The following ADGRL3 variants were observed in gnomAD, a reference collection of about 807,000 sequenced individuals.
ADGRL3 encodes adhesion G protein-coupled receptor L3.
A neutral mutation model predicts 153.5 loss-of-function variants in ADGRL3; 62 were observed. That is an observed-to-expected ratio of 0.40 (90% CI 0.33 to 0.50). The LOEUF is 0.50. Ranked by LOEUF, ADGRL3 falls within the 20% of genes least tolerant of loss-of-function variation. ADGRL3 has a pLI of 0.47. For missense variants in ADGRL3, 1,641 were observed against 1,859.4 expected (o/e 0.88, Z 2.16); for synonymous variants, 710 against 672.5 (o/e 1.06, Z -0.86).
chr4:61,917,076 C>T lies in ADGRL3; in HGVS notation c.2112+4319C>T, dbSNP rs184112277. Among the ~76,000 whole-genome samples the T allele has an allele frequency of 1.8e-3, 272 of 152,186 alleles. 2 individuals carry two copies. The highest frequency in any genetic ancestry group is 6.2e-3 in the African/African-American group (259 of 41,528). Reference sequence around the variant, plus strand: ...CAAACACCGTATGATATAATTATTGCGATTTTTAACTTAACAGATGAAAAA... The same window carrying T: ...CAAACACCGTATGATATAATTATTGTGATTTTTAACTTAACAGATGAAAAA... On this transcript the variant is annotated intron_variant, in intron 13 of 26. Coordinates refer to ENST00000683033, the MANE Select transcript of ADGRL3 (RefSeq NM_001387552.1).
At chr4:61,641,211 T>A (rs914750486) in intron 5 of ADGRL3, among the ~76,000 whole-genome samples, 5 of 152,116 alleles carry the variant, frequency 3.3e-5, no homozygotes, top group Non-Finnish European at 5.9e-5. Flanking sequence ...CATGATTACA[T>A]GATGTGATGC....
Position 61,587,311 on chromosome 4 carries a change from G to C in ADGRL3, c.344G>C (p.Gly115Ala), listed in dbSNP as rs1446659003. 1.2e-6 allele frequency: 2 copies of C among 1,611,944 alleles called. No individual in the cohort carries two copies. The highest frequency in any genetic ancestry group is 1.7e-6 in the Non-Finnish European group (2 of 1,178,890). The stretch of plus-strand genomic sequence containing the variant: ...TATCCTATAGAGCTTCGCTGTCCAG[G>C]AACAGACGTCATCATGATAGAAAGT... ...ESYPIELRCP[G>A]TDVIMIESAN... The change falls in exon 5 of 27, where the codon GGA becomes GCA. Residue 115 changes from glycine to alanine, a missense_variant. This residue lies in a region of ADGRL3 where 213 missense variants were observed against 362.1 expected (regional missense o/e 0.59). Coordinates refer to ENST00000683033, the MANE Select transcript of ADGRL3 (RefSeq NM_001387552.1).
At chr4:61,916,032 T>C (rs933579305) in intron 13 of ADGRL3, among the ~76,000 whole-genome samples, 2 of 152,204 alleles carry the variant, frequency 1.3e-5, no homozygotes, top group African/African-American at 4.8e-5. Flanking sequence ...TTATGAATTA[T>C]CCAGAGTTAT....
intron 21 of ADGRL3, among the ~76,000 whole-genome samples, chr4:62,022,605 A>G (rs2151398507): frequency 6.6e-6 from 1 of 152,202 alleles, no homozygotes; most frequent in Non-Finnish European, 1.5e-5. Flanking sequence ...TCTTGTTAGG[A>G]GATAATGCAA....
intron 1 of ADGRL3, among the ~76,000 whole-genome samples, chr4:61,248,548 G>A (rs190767210): frequency 2.0e-3 from 301 of 152,230 alleles, no homozygotes; most frequent in Non-Finnish European, 2.9e-3. Context: ...TGATTTATTT[G>A]TAGGTTGCTG....
At chr4:61,593,394 T>A (rs2098977230) in intron 5 of ADGRL3, among the ~76,000 whole-genome samples, 1 of 152,118 alleles carries the variant, frequency 6.6e-6, no homozygotes, top group South Asian at 2.1e-4. Flanking sequence ...TGTTTTGTTT[T>A]TTTCCTTCAG....
At chr4:61,361,475 G>T (rs13147561) in intron 1 of ADGRL3, among the ~76,000 whole-genome samples, 1 of 152,040 alleles carries the variant, frequency 6.6e-6, no homozygotes, top group African/African-American at 2.4e-5. Flanking sequence ...GTACTTTAAG[G>T]GTATGGCCTT....
chr4:61,417,437 G>A (rs2097156332), intron 2 of ADGRL3, among the ~76,000 whole-genome samples: 1 of 151,940 alleles, frequency 6.6e-6, no homozygotes, highest in African/African-American at 2.4e-5. Context: ...GCAGTGAGCC[G>A]AGATTGTGCC....
intron 1 of ADGRL3, among the ~76,000 whole-genome samples, chr4:61,272,635 G>T (rs186147818): frequency 1.3e-5 from 2 of 152,116 alleles, no homozygotes; most frequent in African/African-American, 4.8e-5. Flanking sequence ...TCAGTGTGAC[G>T]CTAATTAAAA....
chr4:61,515,356 A>G lies in ADGRL3; in HGVS notation c.56-1959A>G, dbSNP rs779528709. Among the ~76,000 whole-genome samples, 166 of 152,184 alleles carry G rather than the reference A, an allele frequency of 1.1e-3. 5 individuals carry two copies. The highest frequency in any genetic ancestry group is 3.1e-4 in the Non-Finnish European group (21 of 68,040). On this transcript the variant is annotated intron_variant, in intron 3 of 26. Transcript: ENST00000683033. ...AATTTATATTTTGTCTCCATATCCA[A>G]ATATTTCACAAAAACCCAAATGAAG...
chr4:61,347,772 C>T (rs1250408421), intron 1 of ADGRL3, among the ~76,000 whole-genome samples: 2 of 152,066 alleles, frequency 1.3e-5, no homozygotes, highest in Non-Finnish European at 2.9e-5. Flanking sequence ...CATTTACTCA[C>T]ATTTTGTACA....
intron 20 of ADGRL3, among the ~76,000 whole-genome samples, chr4:61,996,884 T>G (rs1285083001): frequency 1.3e-5 from 2 of 152,170 alleles, no homozygotes; most frequent in Non-Finnish European, 2.9e-5. Flanking sequence ...TTTTCTGTTT[T>G]TAGATCCATA....
At position 61,911,838 on chromosome 4, in the gene ADGRL3, GA is replaced by G. The variant is rs765485129; in HGVS notation, c.2074-870del. 3.0e-3 allele frequency among the ~76,000 whole-genome samples: 430 copies of G among 144,674 alleles called. 2 individuals carry two copies. The highest frequency in any genetic ancestry group is 7.6e-3 in the African/African-American group (301 of 39,602). 94.9% of individuals were successfully genotyped at this position (144,674 alleles called of 152,430 possible). A position where few individuals can be genotyped will look rare whatever the true frequency, so the allele number is the denominator to read the frequency against. ...TCCTTCAACAATCAAGGCTACTGAG[GA>G]AAAAAAAAAATTGGAAAGAAGAGGA... On this transcript the variant is annotated intron_variant, in intron 12 of 26. Transcript: ENST00000683033.
chr4:61,443,137 A>G lies in ADGRL3; in HGVS notation c.-173-53984A>G, dbSNP rs186614801. Among the ~76,000 whole-genome samples the G allele has an allele frequency of 6.0e-3, 913 of 152,292 alleles. 11 individuals are homozygous for G. Among genetic ancestry groups the G allele is most frequent in the African/African-American group, 0.021 (864 of 41,562 alleles). ...GAGTTTTATATCAATAGAGTCATGT[A>G]GCTTTCTCAACTAACGGCCATTTAG... is the stretch of plus-strand genomic sequence containing the variant. On this transcript the variant is annotated intron_variant, in intron 2 of 26. Coordinates refer to ENST00000683033, the MANE Select transcript of ADGRL3 (RefSeq NM_001387552.1).
intron 8 of ADGRL3, among the ~76,000 whole-genome samples, chr4:61,762,785 A>G (rs1385242296): frequency 6.6e-6 from 1 of 152,198 alleles, no homozygotes; most frequent in Non-Finnish European, 1.5e-5. Flanking sequence ...TTATTTTTTA[A>G]TAAGAACAGA....
At chr4:61,565,849 T>C (rs889954022) in intron 4 of ADGRL3, among the ~76,000 whole-genome samples, 2 of 152,188 alleles carry the variant, frequency 1.3e-5, no homozygotes, top group African/African-American at 4.8e-5. Flanking sequence ...GATTTAGGCA[T>C]CTATTATATA....
chr4:61,634,492 T>C (rs2093331301), intron 5 of ADGRL3, among the ~76,000 whole-genome samples: 1 of 152,278 alleles, frequency 6.6e-6, no homozygotes, highest in East Asian at 1.9e-4. Context: ...GTGTGAGATA[T>C]TTAATGCAGT....
intron 13 of ADGRL3, among the ~76,000 whole-genome samples, chr4:61,926,093 T>C (rs1376557484): frequency 6.6e-6 from 1 of 152,148 alleles, no homozygotes; most frequent in African/African-American, 2.4e-5. Context: ...TAGACAATTA[T>C]AACACAATGG....
chr4:61,233,574 G>T (rs2149222646), intron 1 of ADGRL3, among the ~76,000 whole-genome samples: 1 of 152,208 alleles, frequency 6.6e-6, no homozygotes, highest in East Asian at 1.9e-4. Flanking sequence ...AGAGTTGAAG[G>T]ATGTCAATAT....
Sources: allele counts gnomAD v4.1 joint callset (sites outside exome capture counted in the v4.1 genomes callset), GRCh38; gene constraint gnomAD v4.1.1; regional missense constraint gnomAD v4.1.1; transcripts MANE v1.5; gene names NCBI Gene and HGNC (gene_info 2026-07-23, HGNC 2026-07-21).